Variants in FREM2 observed in about 807,000 individuals in gnomAD.
FREM2 encodes FRAS1-related extracellular matrix protein 2.
FREM2 carries 119 observed loss-of-function variants against 219.9 expected under a neutral mutation model. That is an observed-to-expected ratio of 0.54 (90% CI 0.47 to 0.63). The LOEUF is 0.63. Among genes scored for constraint, FREM2 ranks in the 30% least tolerant of loss-of-function variants. The pLI, the probability that FREM2 is intolerant of heterozygous loss-of-function variation, is 0.00. For synonymous variants in FREM2, 1,562 were observed against 1,522.8 expected, an observed-to-expected ratio of 1.03 and a Z score of -0.60; for missense variants, 4,030 against 3,993.6, an observed-to-expected ratio of 1.01 and a Z score of -0.25.
chr13:38,699,746 G>A (rs1216314258), intron 2 of FREM2, among the ~76,000 whole-genome samples: 1 of 152,064 alleles, frequency 6.6e-6, no homozygotes, highest in Non-Finnish European at 1.5e-5. Flanking sequence ...ACAGAGACCT[G>A]CAAGATTAAA....
At chr13:38,832,759 T>C (rs1720230047) in intron 6 of FREM2, among the ~76,000 whole-genome samples, 1 of 152,122 alleles carries the variant, frequency 6.6e-6, no homozygotes, top group South Asian at 2.1e-4. Flanking sequence ...AAATGTTAAG[T>C]CTCAGCAGGG....
intron 2 of FREM2, among the ~76,000 whole-genome samples, chr13:38,722,969 G>A (rs1871354216): frequency 6.6e-6 from 1 of 152,142 alleles, no homozygotes; most frequent in Non-Finnish European, 1.5e-5. Flanking sequence ...AGTGGCTCCT[G>A]CCTATAATCC....
intron 2 of FREM2, among the ~76,000 whole-genome samples, chr13:38,709,218 C>T (rs1870662947): frequency 6.6e-6 from 1 of 152,214 alleles, no homozygotes; most frequent in African/African-American, 2.4e-5. Context: ...CCCCTGCCCA[C>T]TTCCTCTGCA....
intron 2 of FREM2, among the ~76,000 whole-genome samples, chr13:38,762,012 C>T (rs57577625): frequency 1.4e-4 from 21 of 152,092 alleles, no homozygotes; most frequent in East Asian, 9.6e-4. Flanking sequence ...GTAAGGCAGA[C>T]GAATAGTAGT....
chr13:38,850,313 C>T, intron 9 of FREM2, 78 bp downstream of exon 9: 3 of 1,189,572 alleles, frequency 2.5e-6, no homozygotes, highest in Non-Finnish European at 3.7e-6. Flanking sequence ...CAGGGAAATA[C>T]AAGTTCCTCG....
chr13:38,802,011 CCAA>C, intron 6 of FREM2, among the ~76,000 whole-genome samples: 1 of 152,250 alleles, frequency 6.6e-6, no homozygotes, highest in East Asian at 1.9e-4. Context: ...ACCTCAGATC[CCAA>C]CATTATTCAG....
Position 38,813,656 on chromosome 13 carries a change from A to G in FREM2, c.6019+28848A>G, listed in dbSNP as rs181482620. Reference sequence around the variant, plus strand: ...ATCCTTGACCTTTGAGAGTTTGATTATTAAATGCCTTGAGGTAGTCTCCTT... The same window carrying G: ...ATCCTTGACCTTTGAGAGTTTGATTGTTAAATGCCTTGAGGTAGTCTCCTT... On this transcript the variant is annotated intron_variant, in intron 6 of 23. Transcript: ENST00000280481. 4.2e-3 allele frequency among the ~76,000 whole-genome samples: 597 copies of G among 141,818 alleles called. 4 individuals are homozygous for G. The highest frequency in any genetic ancestry group is 0.015 in the African/African-American group (564 of 38,754). 93.0% of individuals were successfully genotyped at this position (141,818 alleles called of 152,430 possible).
chr13:38,738,686 C>G (rs1315794343), intron 2 of FREM2, among the ~76,000 whole-genome samples: 1 of 150,598 alleles, frequency 6.6e-6, no homozygotes, highest in Non-Finnish European at 1.5e-5. Flanking sequence ...ATCTATGAAC[C>G]AGAGGGTGCA....
chr13:38,807,778 C>T (rs1875308460), intron 6 of FREM2, among the ~76,000 whole-genome samples: 1 of 151,826 alleles, frequency 6.6e-6, no homozygotes, highest in Admixed American at 6.6e-5. Flanking sequence ...GCTCCATTTA[C>T]AGAGCACAGA....
At chr13:38,709,125 C>G (rs948800423) in intron 2 of FREM2, among the ~76,000 whole-genome samples, 1 of 152,118 alleles carries the variant, frequency 6.6e-6, no homozygotes, top group African/African-American at 2.4e-5. Flanking sequence ...CAGGTCTGAC[C>G]CAATGCAACC....
chr13:38,872,756 G>A lies in FREM2; in HGVS notation c.7998G>A (p.Val2666=). Residue 2666 remains valine, a synonymous_variant, in exon 17 of 24, where the codon GTG becomes GTA. Transcript: ENST00000280481. ...TGTTGTTTTAGGTCCTAAACCTAGT[G>A]CAGTCCTATGTGACCCTTCGAGTCC... ...IGTDGQVLNL[V]QSYVTLRVPL... The A allele has an allele frequency of 6.2e-7, 1 of 1,613,982 alleles. No homozygotes were observed. Among genetic ancestry groups the A allele is most frequent in the Admixed American group, 1.7e-5 (1 of 60,012 alleles).
chr13:38,809,654 T>G (rs1162168951), intron 6 of FREM2, among the ~76,000 whole-genome samples: 1 of 152,068 alleles, frequency 6.6e-6, no homozygotes, highest in African/African-American at 2.4e-5. Context: ...ATTGGTTTTT[T>G]GGGTTATCTT....
chr13:38,702,956 A>G (rs577796047), intron 2 of FREM2, among the ~76,000 whole-genome samples: 1 of 152,118 alleles, frequency 6.6e-6, no homozygotes, highest in Non-Finnish European at 1.5e-5. Flanking sequence ...TCCTTGATTC[A>G]TATGCTATTG....
At chr13:38,833,212 G>C (rs1386331285) in intron 6 of FREM2, among the ~76,000 whole-genome samples, 2 of 151,846 alleles carry the variant, frequency 1.3e-5, no homozygotes, top group African/African-American at 4.8e-5. Context: ...ATATGGTTTT[G>C]TTTTTTAACC....
At chr13:38,761,851 C>A (rs1873238658) in intron 2 of FREM2, among the ~76,000 whole-genome samples, 1 of 152,118 alleles carries the variant, frequency 6.6e-6, no homozygotes, top group South Asian at 2.1e-4. Flanking sequence ...CTGCAAGAAT[C>A]TTGGCTTGAC....
At chr13:38,772,186 T>C (rs748401150) in intron 4 of FREM2, among the ~76,000 whole-genome samples, 1 of 152,188 alleles carries the variant, frequency 6.6e-6, no homozygotes, top group Non-Finnish European at 1.5e-5. Flanking sequence ...ATTTAAAAAT[T>C]AAAATTTTAC....
intron 6 of FREM2, among the ~76,000 whole-genome samples, chr13:38,796,733 G>A (rs528998269): frequency 1.3e-5 from 2 of 152,180 alleles, no homozygotes; most frequent in South Asian, 2.1e-4. Flanking sequence ...GAACACACAA[G>A]TGCAGGTATT....
At chr13:38,806,713 G>A (rs1875242941) in intron 6 of FREM2, among the ~76,000 whole-genome samples, 2 of 151,850 alleles carry the variant, frequency 1.3e-5, no homozygotes, top group Admixed American at 1.3e-4. Context: ...GCGGAAGGTT[G>A]GGATGGTTGT....
chr13:38,841,319 G>T lies in FREM2; in HGVS notation c.6020-5254G>T, dbSNP rs146369109. Among the ~76,000 whole-genome samples the T allele has an allele frequency of 3.4e-3, 512 of 152,270 alleles. 1 individual carries two copies. Among genetic ancestry groups the T allele is most frequent in the African/African-American group, 0.012 (494 of 41,552 alleles). On this transcript the variant is annotated intron_variant, in intron 6 of 23. Coordinates refer to ENST00000280481, the MANE Select transcript of FREM2 (RefSeq NM_207361.6). ...GATTTTTAAAAACAGTGCTGGGCCT[G>T]TGTGGAGGCAAGGGGCATGTGCAGG...
Sources: allele counts gnomAD v4.1 joint callset (sites outside exome capture counted in the v4.1 genomes callset), GRCh38; gene constraint gnomAD v4.1.1; transcripts MANE v1.5; gene names NCBI Gene and HGNC (gene_info 2026-07-23, HGNC 2026-07-21).